Variants in PCDH15 observed in about 807,000 individuals in gnomAD.
The protein encoded by PCDH15 is protocadherin related 15.
Under a neutral mutation model 178.5 loss-of-function variants are expected in PCDH15, and 129 were observed. The ratio of observed to expected loss-of-function variants is 0.72; its 90% CI spans 0.63 to 0.84. PCDH15 has a LOEUF of 0.84. Among genes scored for constraint, PCDH15 ranks in the 40% least tolerant of loss-of-function variants. PCDH15 has a pLI of 0.00. For synonymous variants in PCDH15, 800 were observed against 732.0 expected (o/e 1.09, Z -1.50); for missense variants, 2,230 against 2,099.9 (o/e 1.06, Z -1.21).
At chr10:55,176,060 A>C (rs749400088) in intron 1 of PCDH15, among the ~76,000 whole-genome samples, 12 of 152,012 alleles carry the variant, frequency 7.9e-5, no homozygotes, top group Non-Finnish European at 1.2e-4. Context: ...TCCTCTCTCC[A>C]GCTCCGACGA....
intron 2 of PCDH15, among the ~76,000 whole-genome samples, chr10:55,156,236 TG>T (rs1564845437): frequency 6.6e-6 from 1 of 152,162 alleles, no homozygotes; most frequent in East Asian, 1.9e-4. Context: ...GTTTCTATCT[TG>T]TTAAAACTTT....
intron 8 of PCDH15, among the ~76,000 whole-genome samples, chr10:54,278,028 T>G (rs955375467): frequency 4.0e-5 from 6 of 151,390 alleles, no homozygotes; most frequent in Middle Eastern, 3.2e-3. Context: ...AGGAGAGAGA[T>G]TCAAACTGAA....
intron 1 of PCDH15, among the ~76,000 whole-genome samples, chr10:54,704,022 C>G (rs2095340950): frequency 6.6e-6 from 1 of 151,990 alleles, no homozygotes; most frequent in Non-Finnish European, 1.5e-5. Flanking sequence ...CAGTGTTCAA[C>G]AAATGGAGCT....
At chr10:55,491,376 T>C (rs916288386) in intron 2 of PCDH15, among the ~76,000 whole-genome samples, 1 of 151,680 alleles carries the variant, frequency 6.6e-6, no homozygotes, top group Non-Finnish European at 1.5e-5. Flanking sequence ...TAAGGTGAGA[T>C]TCTACATCAG....
chr10:53,873,850 C>G (rs2080037754), intron 26 of PCDH15, among the ~76,000 whole-genome samples: 2 of 152,138 alleles, frequency 1.3e-5, no homozygotes, highest in South Asian at 4.1e-4. Flanking sequence ...CGGATTGGTT[C>G]CTTTTTGAAA....
chr10:55,594,513 C>T (rs191941461), intron 2 of PCDH15, among the ~76,000 whole-genome samples: 69 of 152,014 alleles, frequency 4.5e-4, no homozygotes, highest in African/African-American at 1.5e-3. Flanking sequence ...CTGCTAATTA[C>T]CACAAATAGT....
intron 2 of PCDH15, among the ~76,000 whole-genome samples, chr10:55,151,298 A>G (rs1838704093): frequency 1.3e-5 from 2 of 152,120 alleles, no homozygotes. Context: ...GAAAAGTGGA[A>G]TTGACTAATT....
intron 2 of PCDH15, among the ~76,000 whole-genome samples, chr10:54,981,651 TTG>T (rs1358092948): frequency 4.6e-5 from 7 of 152,332 alleles, no homozygotes; most frequent in Non-Finnish European, 1.0e-4. Flanking sequence ...GGAATATTTC[TTG>T]TGTCAATATA....
At chr10:54,973,424 T>A (rs1264122568) in intron 2 of PCDH15, among the ~76,000 whole-genome samples, 1 of 152,186 alleles carries the variant, frequency 6.6e-6, no homozygotes, top group African/African-American at 2.4e-5. Flanking sequence ...CCCAAGGGTG[T>A]TTTAATTTGC....
intron 2 of PCDH15, among the ~76,000 whole-genome samples, chr10:55,408,717 G>A (rs1288957786): frequency 6.6e-6 from 1 of 151,940 alleles, no homozygotes; most frequent in Non-Finnish European, 1.5e-5. Context: ...CACAAATGCA[G>A]AGTGATTAAC....
intron 1 of PCDH15, among the ~76,000 whole-genome samples, chr10:54,693,187 G>T (rs1219414227): frequency 2.0e-5 from 3 of 151,896 alleles, no homozygotes; most frequent in Non-Finnish European, 4.4e-5. Context: ...ACCATTCTTA[G>T]GATGATATTT....
chr10:54,220,584 G>A (rs2052665317), intron 9 of PCDH15, among the ~76,000 whole-genome samples: 1 of 152,136 alleles, frequency 6.6e-6, no homozygotes, highest in African/African-American at 2.4e-5. Flanking sequence ...TTAGCACTTT[G>A]GGAGGCCGAG....
intron 1 of PCDH15, among the ~76,000 whole-genome samples, chr10:54,685,982 C>G (rs2094992476): frequency 6.6e-6 from 1 of 151,206 alleles, no homozygotes; most frequent in Admixed American, 6.6e-5. Context: ...TAAATCATCA[C>G]TGCCTCTACT....
chr10:55,049,463 G>A (rs1841102503), intron 2 of PCDH15, among the ~76,000 whole-genome samples: 2 of 151,450 alleles, frequency 1.3e-5, no homozygotes, highest in South Asian at 2.1e-4. Context: ...ATGATTATGG[G>A]GGCTGCATTC....
chr10:54,857,005 A>C (rs1386853503), intron 3 of PCDH15, among the ~76,000 whole-genome samples: 1 of 152,126 alleles, frequency 6.6e-6, no homozygotes, highest in Non-Finnish European at 1.5e-5. Context: ...AAATCTGAAA[A>C]ATGCTGACAC....
chr10:55,000,272 CA>C (rs1372297590), intron 2 of PCDH15, among the ~76,000 whole-genome samples: 1 of 152,172 alleles, frequency 6.6e-6, no homozygotes, highest in African/African-American at 2.4e-5. Context: ...GGCCTACCCT[CA>C]GGGACACATT....
chr10:53,874,482 A>G (rs987203037), intron 26 of PCDH15, among the ~76,000 whole-genome samples: 5 of 152,158 alleles, frequency 3.3e-5, no homozygotes, highest in African/African-American at 1.2e-4. Context: ...AGGAGAAATC[A>G]TAATATTCCA....
At chr10:53,831,246 G>GT in intron 30 of PCDH15, 69 bp downstream of exon 30, 1 of 1,406,408 alleles carries the variant, frequency 7.1e-7, no homozygotes. Flanking sequence ...GCAAAGCCAT[G>GT]TTACCAGAGA....
intron 2 of PCDH15, among the ~76,000 whole-genome samples, chr10:54,969,733 A>G (rs1264692240): frequency 6.6e-6 from 1 of 152,214 alleles, no homozygotes; most frequent in Non-Finnish European, 1.5e-5. Context: ...TCTTCAGGCT[A>G]TAATCCAGCA....
Sources: allele counts gnomAD v4.1 joint callset (sites outside exome capture counted in the v4.1 genomes callset), GRCh38; gene constraint gnomAD v4.1.1; transcripts MANE v1.5; gene names NCBI Gene and HGNC (gene_info 2026-07-23, HGNC 2026-07-21).